ACTR2: variants seen among roughly 807,000 people sequenced by gnomAD.
ACTR2 encodes actin-related protein 2.
In ACTR2, 5 loss-of-function variants were observed where a neutral mutation model predicts 50.2. The ratio of observed to expected loss-of-function variants is 0.10; its 90% CI spans 0.05 to 0.21. The LOEUF (loss-of-function observed/expected upper bound fraction) is 0.21, where lower values mean the gene tolerates loss of function less well. ACTR2 is among the 10% of genes least tolerant of loss of function. The pLI, the probability that ACTR2 is intolerant of heterozygous loss-of-function variation, is 1.00. For missense variants in ACTR2, 180 were observed against 480.6 expected, an observed-to-expected ratio of 0.37 and a Z score of 5.85; for synonymous variants, 140 against 162.9, an observed-to-expected ratio of 0.86 and a Z score of 1.07.
chr2:65,260,637 G>T (rs980205195), intron 6 of ACTR2, among the ~76,000 whole-genome samples: 17 of 152,084 alleles, frequency 1.1e-4, no homozygotes, highest in Non-Finnish European at 8.8e-5. Context: ...TGGTTGGTCA[G>T]TGATGCTTGT....
chr2:65,241,028 C>T (rs1349599027), intron 2 of ACTR2, among the ~76,000 whole-genome samples: 5 of 150,602 alleles, frequency 3.3e-5, no homozygotes, highest in Non-Finnish European at 5.9e-5. Context: ...GTTAAAGTAG[C>T]GAATTTTTCT....
intron 1 of ACTR2, among the ~76,000 whole-genome samples, chr2:65,233,031 G>T (rs1297866485): frequency 6.8e-6 from 1 of 146,776 alleles, no homozygotes. Context: ...GTCTTGCTCC[G>T]TTGCCCAGGC....
chr2:65,231,144 A>G (rs1671630167), intron 1 of ACTR2, among the ~76,000 whole-genome samples: 1 of 152,200 alleles, frequency 6.6e-6, no homozygotes, highest in African/African-American at 2.4e-5. Flanking sequence ...CAAGTGATCA[A>G]TTCCTGTCAT....
At chr2:65,253,687 T>G in intron 4 of ACTR2, 41 bp from the exon 5 acceptor site, 2 of 1,596,868 alleles carry the variant, frequency 1.3e-6, no homozygotes, top group Non-Finnish European at 1.7e-6. Context: ...TTGGTTTTCC[T>G]GATTTGACTT....
chr2:65,263,791 G>A (rs1262023767), intron 7 of ACTR2, among the ~76,000 whole-genome samples: 1 of 152,202 alleles, frequency 6.6e-6, no homozygotes, highest in Non-Finnish European at 1.5e-5. Flanking sequence ...TGTAATCCCA[G>A]CACTTTGGGA....
rs1573175116 is a variant in ACTR2, at chr2:65,270,485, T to C, written c.*1751T>C. ...GGGAACATGGATCTTAGAGTCACTTTGGAATAAGTTCTTATATAAATACCC... is the reference window on the plus strand; with the variant it reads ...GGGAACATGGATCTTAGAGTCACTTCGGAATAAGTTCTTATATAAATACCC... On this transcript the variant is annotated 3_prime_UTR_variant, in exon 9 of 9. Coordinates refer to ENST00000260641, the MANE Select transcript of ACTR2 (RefSeq NM_005722.4). 6.5e-6 allele frequency: 1 copy of C among 152,758 alleles called. No individual in the cohort carries two copies. The highest frequency in any genetic ancestry group is 2.4e-5 in the African/African-American group (1 of 41,570). The allele number at this position is 152,758 out of a possible 1,614,324, so 9.5% of individuals were successfully genotyped here.
chr2:65,252,620 G>A (rs933408565), intron 4 of ACTR2, among the ~76,000 whole-genome samples: 1 of 151,836 alleles, frequency 6.6e-6, no homozygotes, highest in Non-Finnish European at 1.5e-5. Context: ...ACTCCAGCCT[G>A]GGCGACAGAG....
chr2:65,256,965 C>CT (rs1310131084), intron 6 of ACTR2, among the ~76,000 whole-genome samples: 2 of 151,174 alleles, frequency 1.3e-5, no homozygotes, highest in Non-Finnish European at 2.9e-5. Flanking sequence ...TTTTATTATA[C>CT]TTTAAGTTCT....
intron 7 of ACTR2, among the ~76,000 whole-genome samples, chr2:65,262,609 A>G (rs1189524754): frequency 2.0e-5 from 3 of 152,040 alleles, no homozygotes; most frequent in Middle Eastern, 3.4e-3. Flanking sequence ...TTTTCCACCG[A>G]TCTGATGAGT....
intron 3 of ACTR2, among the ~76,000 whole-genome samples, chr2:65,250,730 G>A (rs1053180384): frequency 8.3e-5 from 12 of 144,926 alleles, no homozygotes; most frequent in African/African-American, 2.8e-4. Flanking sequence ...AGAAAGTCTT[G>A]TTCAATACAG....
intron 2 of ACTR2, among the ~76,000 whole-genome samples, chr2:65,242,246 T>C (rs945683184): frequency 1.3e-5 from 2 of 152,216 alleles, no homozygotes; most frequent in Non-Finnish European, 2.9e-5. Context: ...AGTCCTATAC[T>C]TTCCTGATTG....
At chr2:65,255,723 G>C in intron 6 of ACTR2, 29 bp downstream of exon 6, 1 of 1,566,374 alleles carries the variant, frequency 6.4e-7, no homozygotes. Context: ...TAATATATAT[G>C]TGTTTTAAAG....
intron 1 of ACTR2, among the ~76,000 whole-genome samples, chr2:65,230,988 A>G (rs886710786): frequency 1.1e-4 from 16 of 151,354 alleles, no homozygotes; most frequent in African/African-American, 3.9e-4. Context: ...TGGGAGGCAG[A>G]GGTTGCAGTG....
intron 1 of ACTR2, 182 bp downstream of exon 1, chr2:65,228,139 C>T (rs1671563595): frequency 2.0e-6 from 1 of 491,670 alleles, no homozygotes; most frequent in Admixed American, 4.5e-5. Context: ...TCCCTTGAGC[C>T]TGCCACCCAT....
At chr2:65,229,928 A>G (rs760491856) in intron 1 of ACTR2, among the ~76,000 whole-genome samples, 6 of 152,180 alleles carry the variant, frequency 3.9e-5, no homozygotes, top group Non-Finnish European at 8.8e-5. Flanking sequence ...TATGTCCACA[A>G]ACTTGTATCC....
At chr2:65,256,144 G>A (rs1558626918) in intron 6 of ACTR2, among the ~76,000 whole-genome samples, 2 of 152,168 alleles carry the variant, frequency 1.3e-5, no homozygotes, top group East Asian at 3.8e-4. Flanking sequence ...AATATAGTAT[G>A]CGTGTTTTTC....
At chr2:65,247,314 C>T (rs556927815) in intron 3 of ACTR2, among the ~76,000 whole-genome samples, 4 of 152,148 alleles carry the variant, frequency 2.6e-5, no homozygotes, top group Middle Eastern at 3.4e-3. Flanking sequence ...CATGGCCGGG[C>T]GCGGTGGCTC....
At chr2:65,241,160 A>G (rs1042718049) in intron 2 of ACTR2, among the ~76,000 whole-genome samples, 8 of 152,128 alleles carry the variant, frequency 5.3e-5, no homozygotes, top group African/African-American at 1.9e-4. Flanking sequence ...TTTCATTCTG[A>G]ATGAATTCTA....
At chr2:65,265,846 G>A (rs1312375434) in intron 8 of ACTR2, among the ~76,000 whole-genome samples, 1 of 152,282 alleles carries the variant, frequency 6.6e-6, no homozygotes, top group East Asian at 1.9e-4. Context: ...GTTAATCTCT[G>A]AGCTTTGTCT....
Sources: allele counts gnomAD v4.1 joint callset (sites outside exome capture counted in the v4.1 genomes callset), GRCh38; gene constraint gnomAD v4.1.1; transcripts MANE v1.5; gene names NCBI Gene and HGNC (gene_info 2026-07-23, HGNC 2026-07-21).